The following NIPAL2 variants were observed in gnomAD, a reference collection of about 807,000 sequenced individuals.
NIPAL2 encodes the protein NIPA-like protein 2.
Under a neutral mutation model 48.9 loss-of-function variants are expected in NIPAL2, and 43 were observed. That is an observed-to-expected ratio of 0.88 (90% CI 0.69 to 1.13). The LOEUF (loss-of-function observed/expected upper bound fraction) is 1.13. NIPAL2 is among the 50% of genes most tolerant of loss of function. The pLI is 0.00. For missense variants in NIPAL2, 446 were observed against 461.4 expected, an observed-to-expected ratio of 0.97 and a Z score of 0.31; for synonymous variants, 167 against 174.6, an observed-to-expected ratio of 0.96 and a Z score of 0.34.
chr8:98,250,959 C>CTA (rs1813555780), intron 3 of NIPAL2, among the ~76,000 whole-genome samples: 1 of 152,124 alleles, frequency 6.6e-6, no homozygotes, highest in African/African-American at 2.4e-5. Flanking sequence ...TGAGGTCTGG[C>CTA]TATATCGCAT....
At chr8:98,240,239 C>A (rs187799137) in intron 3 of NIPAL2, among the ~76,000 whole-genome samples, 1 of 152,308 alleles carries the variant, frequency 6.6e-6, no homozygotes, top group African/African-American at 2.4e-5. Flanking sequence ...CTCATGAATG[C>A]TTTTCCCTCT....
chr8:98,252,481 C>G lies in NIPAL2; in HGVS notation c.358G>C (p.Gly120Arg). 6.2e-7 allele frequency: 1 copy of G among 1,612,762 alleles called. No individual in the cohort carries two copies. The change falls in exon 3 of 11, where the codon GGC becomes CGC. Residue 120 changes from glycine (G) to arginine (R), a missense_variant. Transcript: ENST00000430223. ...FAPITLIAPLGCVSVTGSAII... is the reference protein window; with the variant it reads ...FAPITLIAPLRCVSVTGSAII... ...GGCTTACCTGTAACAGACACACAGC[C>G]TAACGGAGCGATCAGAGTAATGGGA...
chr8:98,238,996 G>A (rs373273679), intron 3 of NIPAL2, among the ~76,000 whole-genome samples: 2 of 152,106 alleles, frequency 1.3e-5, no homozygotes, highest in Non-Finnish European at 2.9e-5. Context: ...GTGTAATTAA[G>A]TAAGGGATGT....
intron 1 of NIPAL2, among the ~76,000 whole-genome samples, chr8:98,263,469 T>A (rs1586435208): frequency 6.7e-6 from 1 of 150,242 alleles, no homozygotes. Flanking sequence ...CCCACAGAAA[T>A]ACAAACTACC....
At chr8:98,249,241 T>C (rs1813443327) in intron 3 of NIPAL2, among the ~76,000 whole-genome samples, 1 of 152,184 alleles carries the variant, frequency 6.6e-6, no homozygotes, top group Non-Finnish European at 1.5e-5. Flanking sequence ...GATTATGGAA[T>C]TCTTTGTTTC....
At chr8:98,258,564 G>A (rs1302644167) in intron 1 of NIPAL2, among the ~76,000 whole-genome samples, 1 of 152,118 alleles carries the variant, frequency 6.6e-6, no homozygotes, top group African/African-American at 2.4e-5. Context: ...CCTTGTGGAT[G>A]AACTGTAACC....
At chr8:98,284,399 TTC>T (rs72278053) in intron 1 of NIPAL2, among the ~76,000 whole-genome samples, 14,720 of 117,072 alleles carry the variant, frequency 0.13, 857 homozygotes, top group South Asian at 0.21. Context: ...TTCTAAGGCA[TTC>T]TCTCTCTCTC....
At chr8:98,237,048 C>T (rs1463767640) in intron 3 of NIPAL2, among the ~76,000 whole-genome samples, 2 of 151,774 alleles carry the variant, frequency 1.3e-5, no homozygotes, top group African/African-American at 4.8e-5. Context: ...GGGTCTAAAT[C>T]TATAGTCCAC....
intron 3 of NIPAL2, among the ~76,000 whole-genome samples, chr8:98,244,878 T>G (rs1464820859): frequency 1.3e-5 from 2 of 152,192 alleles, no homozygotes; most frequent in African/African-American, 4.8e-5. Context: ...TACAGGCAAG[T>G]TTGTGAACTC....
At chr8:98,273,158 A>G (rs1419817495) in intron 1 of NIPAL2, among the ~76,000 whole-genome samples, 2 of 152,228 alleles carry the variant, frequency 1.3e-5, no homozygotes, top group African/African-American at 4.8e-5. Flanking sequence ...GATACATTTT[A>G]TATAATGGAA....
At position 98,242,490 on chromosome 8, in the gene NIPAL2, T is replaced by TTTTTG. The variant is rs1198293401; in HGVS notation, c.377-6277_377-6276insCAAAA. 4.9e-4 allele frequency among the ~76,000 whole-genome samples: 39 copies of TTTTTG among 78,976 alleles called. 2 individuals are homozygous for TTTTTG. The South Asian group carries it at 0.013, about 26-fold the overall frequency. 51.8% of individuals were successfully genotyped at this position (78,976 alleles called of 152,430 possible). A position where few individuals can be genotyped will look rare whatever the true frequency, so the allele number is the denominator to read the frequency against. ...GCAAAAGCCACTGCACCTGACAGAT[T>TTTTTG]TTTTTTTTTTTTTTTTTAACTGAGC... is the stretch of plus-strand genomic sequence containing the variant. On this transcript the variant is annotated intron_variant, in intron 3 of 10. Transcript: ENST00000430223.
intron 1 of NIPAL2, among the ~76,000 whole-genome samples, chr8:98,259,005 A>G (rs887776703): frequency 6.6e-6 from 1 of 151,894 alleles, no homozygotes; most frequent in African/African-American, 2.4e-5. Flanking sequence ...TACACAGGCC[A>G]CAAAATAAAA....
intron 1 of NIPAL2, among the ~76,000 whole-genome samples, chr8:98,280,251 T>G (rs189544465): frequency 6.6e-6 from 1 of 152,306 alleles, no homozygotes. Flanking sequence ...CAGATCCCAG[T>G]GGAGCTAGTA....
chr8:98,214,421 C>A (rs1020165771), intron 5 of NIPAL2, among the ~76,000 whole-genome samples: 3 of 152,186 alleles, frequency 2.0e-5, no homozygotes, highest in Non-Finnish European at 4.4e-5. Context: ...GCCTCGGCCT[C>A]CCAAAGTGCT....
chr8:98,245,616 GA>G (rs1459374955), intron 3 of NIPAL2, among the ~76,000 whole-genome samples: 1 of 152,134 alleles, frequency 6.6e-6, no homozygotes, highest in Non-Finnish European at 1.5e-5. Context: ...TGTTAAAGTT[GA>G]AAAGACTCCA....
intron 5 of NIPAL2, among the ~76,000 whole-genome samples, chr8:98,220,278 G>A (rs1811788812): frequency 6.6e-6 from 1 of 152,086 alleles, no homozygotes; most frequent in Non-Finnish European, 1.5e-5. Flanking sequence ...AAATGCCAAT[G>A]TCACACTTTT....
At chr8:98,264,980 A>G (rs1396202347) in intron 1 of NIPAL2, among the ~76,000 whole-genome samples, 96 of 147,152 alleles carry the variant, frequency 6.5e-4, no homozygotes, top group Non-Finnish European at 4.5e-5. Flanking sequence ...AACGCCACAT[A>G]TCTACAACTA....
chr8:98,236,851 CAAAA>C (rs34210829), intron 3 of NIPAL2, among the ~76,000 whole-genome samples: 91 of 66,894 alleles, frequency 1.4e-3, no homozygotes, highest in African/African-American at 4.2e-3. Context: ...GATCCTGTCT[CAAAA>C]AAAAAAAAAA....
chr8:98,210,337 T>C (rs561879756), intron 6 of NIPAL2, among the ~76,000 whole-genome samples: 1 of 152,340 alleles, frequency 6.6e-6, no homozygotes, highest in East Asian at 1.9e-4. Flanking sequence ...TGCAATTAAA[T>C]CTTGGTTTGT....
Sources: gnomAD v4.1 joint callset for allele counts (sites outside exome capture counted in the v4.1 genomes callset) on GRCh38, gnomAD v4.1.1 for gene constraint, MANE v1.5 for transcripts, NCBI Gene and HGNC (gene_info 2026-07-23, HGNC 2026-07-21) for gene names.